NCOA2: variants seen among roughly 807,000 people sequenced by gnomAD.
NCOA2 encodes the protein class E basic helix-loop-helix protein 75.
In NCOA2, 21 loss-of-function variants were observed where a neutral mutation model predicts 145.1. The observed-to-expected ratio is 0.14, with a 90% CI of 0.10 to 0.21. The LOEUF is 0.21. NCOA2 is among the 10% of genes least tolerant of loss of function. NCOA2 has a pLI of 1.00. For synonymous variants in NCOA2, 619 were observed against 637.5 expected (o/e 0.97, Z 0.44); for missense variants, 1,472 against 1,837.6 (o/e 0.80, Z 3.64).
At chr8:70,237,390 T>C (rs1411358931) in intron 2 of NCOA2, among the ~76,000 whole-genome samples, 1 of 151,892 alleles carries the variant, frequency 6.6e-6, no homozygotes, top group Non-Finnish European at 1.5e-5. Flanking sequence ...ACTGTGCATG[T>C]CTCATCTCAA....
At chr8:70,310,359 A>G (rs886881331) in intron 1 of NCOA2, among the ~76,000 whole-genome samples, 1 of 151,816 alleles carries the variant, frequency 6.6e-6, no homozygotes, top group African/African-American at 2.4e-5. Context: ...AAAAAAAAAA[A>G]AAAAAAAAAT....
chr8:70,239,080 A>C (rs571764472), intron 2 of NCOA2, among the ~76,000 whole-genome samples: 1 of 152,056 alleles, frequency 6.6e-6, no homozygotes, highest in African/African-American at 2.4e-5. Flanking sequence ...GCCTTTTCCT[A>C]CTGAATCCTA....
At chr8:70,271,079 T>C (rs1214937926) in intron 2 of NCOA2, among the ~76,000 whole-genome samples, 2 of 152,218 alleles carry the variant, frequency 1.3e-5, no homozygotes, top group African/African-American at 2.4e-5. Flanking sequence ...GGAAGATATA[T>C]GTTGAAAATA....
At chr8:70,186,602 C>T (rs1394998049) in intron 4 of NCOA2, among the ~76,000 whole-genome samples, 1 of 152,150 alleles carries the variant, frequency 6.6e-6, no homozygotes, top group African/African-American at 2.4e-5. Flanking sequence ...AAATAAAGGA[C>T]CTGATTTGTT....
At chr8:70,200,390 G>A (rs1200967594) in intron 4 of NCOA2, among the ~76,000 whole-genome samples, 1 of 152,142 alleles carries the variant, frequency 6.6e-6, no homozygotes. Flanking sequence ...CTTCCATGAA[G>A]CCCAAGCAAG....
At chr8:70,341,616 A>C (rs776705008) in intron 1 of NCOA2, among the ~76,000 whole-genome samples, 2 of 152,212 alleles carry the variant, frequency 1.3e-5, no homozygotes, top group Non-Finnish European at 2.9e-5. Flanking sequence ...TTGCTTTGTT[A>C]ATCAGCAATG....
At chr8:70,266,549 C>A (rs958763277) in intron 2 of NCOA2, among the ~76,000 whole-genome samples, 11 of 152,286 alleles carry the variant, frequency 7.2e-5, no homozygotes, top group Middle Eastern at 3.4e-3. Flanking sequence ...CTATTCAAAG[C>A]CCTGCATGGG....
rs75555211 is a variant in NCOA2 at position 70,220,882 on chromosome 8, A to T, written c.-19-4118T>A. On this transcript the variant is annotated intron_variant, in intron 2 of 22. Transcript: ENST00000452400. ...TATACAGAACAAATTCAGTTAAAGA[A>T]TAAGGATACTACTGCTGCTGAACTC... Among the ~76,000 whole-genome samples, 114 of 152,362 alleles carry T rather than the reference A, an allele frequency of 7.5e-4. 1 individual carries two copies. In the East Asian group the frequency reaches 0.02, roughly 27 times the overall value.
intron 9 of NCOA2, 29 bp from the exon 10 acceptor site, chr8:70,159,681 C>G (rs1006899467): frequency 1.3e-6 from 2 of 1,575,432 alleles, no homozygotes; most frequent in Admixed American, 3.6e-5. Context: ...ACAGAAGGCA[C>G]GTTTAGAAAA....
chr8:70,252,962 T>C (rs895665691), intron 2 of NCOA2, among the ~76,000 whole-genome samples: 1 of 152,236 alleles, frequency 6.6e-6, no homozygotes, highest in Admixed American at 6.5e-5. Context: ...TATCACTGCT[T>C]CTTAGCACCT....
intron 1 of NCOA2, among the ~76,000 whole-genome samples, chr8:70,380,459 C>T (rs1440828263): frequency 6.6e-6 from 1 of 152,098 alleles, no homozygotes; most frequent in African/African-American, 2.4e-5. Context: ...ACTCATGTTC[C>T]CAAGAATTCC....
chr8:70,400,511 A>G (rs899100957), intron 1 of NCOA2, among the ~76,000 whole-genome samples: 2 of 152,174 alleles, frequency 1.3e-5, no homozygotes, highest in African/African-American at 4.8e-5. Context: ...CAGCATACAA[A>G]AGAGAGAAGG....
intron 2 of NCOA2, among the ~76,000 whole-genome samples, chr8:70,229,217 A>G (rs917520608): frequency 3.3e-5 from 5 of 152,204 alleles, no homozygotes; most frequent in African/African-American, 1.2e-4. Flanking sequence ...AGTAGCTGCT[A>G]AGGGCAAAAT....
rs1825396812 is a variant in NCOA2, at chr8:70,275,466, GTTC to G, written c.-20+21275_-20+21277del. ...TAATATTTAAAAGGAAACCTGCTGA[GTTC>G]TTTTTTAAAACTGAATAATCTTTAG... On this transcript the variant is annotated intron_variant, in intron 2 of 22. Coordinates refer to ENST00000452400, the MANE Select transcript of NCOA2 (RefSeq NM_006540.4). 4.6e-5 allele frequency among the ~76,000 whole-genome samples: 7 copies of G among 152,128 alleles called. No individual in the cohort carries two copies. In the South Asian group the frequency reaches 1.5e-3, roughly 32 times the overall value.
Position 70,123,824 on chromosome 8 carries a change from C to T in NCOA2, c.4293+60G>A, listed in dbSNP as rs1808097981. 10 of 1,400,092 alleles carry T rather than the reference C, an allele frequency of 7.1e-6. No individual in the cohort carries two copies. The East Asian group carries it at 2.4e-4, about 34-fold the overall frequency. The allele number at this position is 1,400,092 out of a possible 1,614,324, so 86.7% of individuals were successfully genotyped here. A position where few individuals can be genotyped will look rare whatever the true frequency, so the allele number is the denominator to read the frequency against. On this transcript the variant is annotated intron_variant, in intron 21 of 22. Coordinates refer to ENST00000452400, the MANE Select transcript of NCOA2 (RefSeq NM_006540.4). ...GATACATGGAAAGATATATTTGATG[C>T]AGAAGTAGAAAAAAAGCCGTGATAT...
chr8:70,228,958 T>C (rs1287672132), intron 2 of NCOA2, among the ~76,000 whole-genome samples: 2 of 152,366 alleles, frequency 1.3e-5, no homozygotes, highest in East Asian at 1.9e-4. Context: ...TACGTGTTCA[T>C]AGCACAAATA....
chr8:70,234,908 C>T (rs547827150), intron 2 of NCOA2, among the ~76,000 whole-genome samples: 11 of 152,210 alleles, frequency 7.2e-5, no homozygotes, highest in Non-Finnish European at 1.3e-4. Context: ...CCAACCATGG[C>T]TGCATAGATA....
intron 12 of NCOA2, among the ~76,000 whole-genome samples, chr8:70,145,850 C>G (rs1351910125): frequency 6.6e-6 from 1 of 151,952 alleles, no homozygotes; most frequent in Admixed American, 6.5e-5. Context: ...AAGGTGGTCT[C>G]AAACTTCTTG....
the NCOA2 span, among the ~76,000 whole-genome samples, chr8:70,420,710 T>A: frequency 5.9e-5 from 9 of 152,164 alleles, no homozygotes; most frequent in Non-Finnish European, 1.2e-4. Flanking sequence ...GCAGGCGCGA[T>A]CTCTGCTCTC....
Sources: allele counts gnomAD v4.1 joint callset (sites outside exome capture counted in the v4.1 genomes callset), GRCh38; gene constraint gnomAD v4.1.1; transcripts MANE v1.5; gene names NCBI Gene and HGNC (gene_info 2026-07-23, HGNC 2026-07-21).